Variants in BICRAL observed in about 807,000 individuals in gnomAD.
BICRAL encodes BRD4-interacting chromatin-remodeling complex-associated protein-like.
BICRAL carries 8 observed loss-of-function variants against 91.8 expected under a neutral mutation model. That is an observed-to-expected ratio of 0.09 (90% CI 0.05 to 0.16). BICRAL has a LOEUF of 0.16. Ranked by LOEUF, BICRAL falls within the 10% of genes least tolerant of loss-of-function variation. The pLI is 1.00. For synonymous variants in BICRAL, 445 were observed against 491.1 expected, an observed-to-expected ratio of 0.91 and a Z score of 1.24; for missense variants, 1,038 against 1,310.9, an observed-to-expected ratio of 0.79 and a Z score of 3.21.
intron 1 of BICRAL, among the ~76,000 whole-genome samples, chr6:42,797,389 G>A (rs1162010540): frequency 5.9e-5 from 9 of 151,928 alleles, no homozygotes; most frequent in East Asian, 3.9e-4. Context: ...TCTTTTATAC[G>A]TTAAAATCCT....
In BICRAL at chr6:42,857,206, T is replaced by C; in HGVS notation, c.2224T>C (p.Ser742Pro). Residue 742 changes from serine to proline, a missense_variant, in exon 10 of 13, where the codon TCC (serine) becomes CCC (proline). Physicochemically the swap from Ser to Pro is moderately conservative, Grantham distance 74. Transcript: ENST00000314073. ...RLLSYHVCQG[S>P]MPTEEDLRKV... ...GCTCTCCTACCACGTGTGCCAGGGC[T>C]CCATGCCCACTGAAGAAGACTTGAG... The C allele has an allele frequency of 6.2e-7, 1 of 1,613,442 alleles. No homozygotes were observed. Among genetic ancestry groups the C allele is most frequent in the East Asian group, 2.2e-5 (1 of 44,866 alleles).
chr6:42,841,959 A>G (rs1764811187), intron 6 of BICRAL, among the ~76,000 whole-genome samples: 1 of 152,318 alleles, frequency 6.6e-6, no homozygotes, highest in South Asian at 2.1e-4. Context: ...GAGAGACTAG[A>G]ATATAACAGA....
intron 1 of BICRAL, among the ~76,000 whole-genome samples, chr6:42,808,854 G>T (rs1320064983): frequency 3.3e-5 from 5 of 152,048 alleles, no homozygotes; most frequent in African/African-American, 1.2e-4. Flanking sequence ...CTTCTTTGTC[G>T]TCACATGATT....
chr6:42,848,183 C>T (rs1209135198), intron 6 of BICRAL, among the ~76,000 whole-genome samples: 2 of 151,358 alleles, frequency 1.3e-5, no homozygotes, highest in Non-Finnish European at 2.9e-5. Context: ...ACCCGGGAGG[C>T]AGAGGTTGCA....
chr6:42,853,580 A>T, intron 7 of BICRAL, 58 bp from the exon 8 acceptor site: 1 of 1,260,212 alleles, frequency 7.9e-7, no homozygotes, highest in Non-Finnish European at 1.2e-6. Flanking sequence ...CTAGGGTTAT[A>T]TGATGGACCC....
intron 3 of BICRAL, 27 bp downstream of exon 3, chr6:42,822,090 T>C: frequency 6.0e-6 from 9 of 1,510,938 alleles, no homozygotes; most frequent in Non-Finnish European, 8.3e-6. Context: ...AAAACCTGGG[T>C]AAATCAAATG....
intron 1 of BICRAL, among the ~76,000 whole-genome samples, chr6:42,769,141 C>T (rs1377383889): frequency 3.3e-5 from 5 of 152,202 alleles, no homozygotes; most frequent in Non-Finnish European, 1.5e-5. Flanking sequence ...GTTTTTGTCT[C>T]AGGGTCTCTC....
intron 6 of BICRAL, among the ~76,000 whole-genome samples, chr6:42,845,907 CAA>C (rs70990152): frequency 3.9e-4 from 54 of 139,464 alleles, no homozygotes; most frequent in African/African-American, 4.7e-4. Flanking sequence ...ACTAAAAATA[CAA>C]AAAAAAAAAA....
upstream of BICRAL, among the ~76,000 whole-genome samples, chr6:42,777,453 C>T (rs1018174726): frequency 1.5e-4 from 23 of 152,168 alleles, no homozygotes; most frequent in African/African-American, 5.1e-4. Flanking sequence ...AATATAAGTA[C>T]ATCTATATGT....
upstream of BICRAL, among the ~76,000 whole-genome samples, chr6:42,780,273 A>G (rs1400774763): frequency 6.6e-6 from 1 of 152,180 alleles, no homozygotes; most frequent in African/African-American, 2.4e-5. Context: ...TTTATGCAAC[A>G]TAGTCCAGTT....
In BICRAL at chr6:42,867,785, A is replaced by T. The variant is rs1211760191; in HGVS notation, c.*2339A>T. 2.0e-5 allele frequency: 3 copies of T among 152,230 alleles called. No homozygotes were observed. Among genetic ancestry groups the T allele is most frequent in the Admixed American group, 1.3e-4 (2 of 15,278 alleles). The allele number at this position is 152,230 out of a possible 1,614,324, so 9.4% of individuals were successfully genotyped here. On this transcript the variant is annotated 3_prime_UTR_variant, in exon 13 of 13. Transcript: ENST00000314073. Reference sequence around the variant, plus strand: ...TTAAGCCCTAACACTTGTCTAGCAAATGGAGAGCCTAATTTACCAAAATGA... The same window carrying T: ...TTAAGCCCTAACACTTGTCTAGCAATTGGAGAGCCTAATTTACCAAAATGA...
At chr6:42,840,800 G>A (rs547579901) in intron 6 of BICRAL, among the ~76,000 whole-genome samples, 14 of 151,894 alleles carry the variant, frequency 9.2e-5, no homozygotes, top group Admixed American at 3.3e-4. Context: ...CAGGCAGGGC[G>A]CAGTGGCTCA....
chr6:42,784,755 G>A (rs1342345896), intron 1 of BICRAL, among the ~76,000 whole-genome samples: 1 of 152,204 alleles, frequency 6.6e-6, no homozygotes, highest in Non-Finnish European at 1.5e-5. Flanking sequence ...TTTGGGAGAT[G>A]TTTTTAAATA....
At chr6:42,751,781 C>T (rs550315104) in intron 1 of BICRAL, among the ~76,000 whole-genome samples, 1 of 151,968 alleles carries the variant, frequency 6.6e-6, no homozygotes, top group Admixed American at 6.6e-5. Flanking sequence ...CCTCAGCCTC[C>T]CAAGAGGCTG....
rs1406281735 is a variant in BICRAL, at chr6:42,862,590, G to A, written c.2430G>A (p.Lys810=). ...AAAGAGCTTCCCTGTCCCGAGACAAGCGTTTGGCACTTGTAGACCCTGGTA... is the reference window on the plus strand; with the variant it reads ...AAAGAGCTTCCCTGTCCCGAGACAAACGTTTGGCACTTGTAGACCCTGGTA... ...QEERASLSRD[K]RLALVDPEGF... is the part of the protein sequence containing the mutation. Residue 810 remains lysine, a synonymous_variant, in exon 12 of 13, where the codon AAG becomes AAA. Coordinates refer to ENST00000314073, the MANE Select transcript of BICRAL (RefSeq NM_001393499.1). The A allele has an allele frequency of 1.9e-6, 3 of 1,606,140 alleles. No homozygotes were observed. Among genetic ancestry groups the A allele is most frequent in the African/African-American group, 2.7e-5 (2 of 74,754 alleles).
chr6:42,839,911 T>C (rs1764736477), intron 6 of BICRAL, among the ~76,000 whole-genome samples: 1 of 152,192 alleles, frequency 6.6e-6, no homozygotes, highest in South Asian at 2.1e-4. Flanking sequence ...GAATCAGCCA[T>C]TCCCGAAGGA....
At chr6:42,857,642 A>T (rs867501548) in intron 10 of BICRAL, among the ~76,000 whole-genome samples, 2 of 122,484 alleles carry the variant, frequency 1.6e-5, no homozygotes, top group African/African-American at 7.7e-5. Context: ...TATATTTTTT[A>T]GGAGGGTACC....
chr6:42,839,589 C>T (rs1764729249), intron 6 of BICRAL, among the ~76,000 whole-genome samples: 1 of 152,078 alleles, frequency 6.6e-6, no homozygotes, highest in Non-Finnish European at 1.5e-5. Flanking sequence ...CACATCCCCA[C>T]CCCCTTTGCC....
chr6:42,835,000 G>T (rs12529592), intron 6 of BICRAL, among the ~76,000 whole-genome samples: 10,366 of 152,138 alleles, frequency 0.068, 419 homozygotes, highest in Non-Finnish European at 0.088. Context: ...TTACATTTCT[G>T]TGAATCTATA....
Sources: gnomAD v4.1 joint callset for allele counts (sites outside exome capture counted in the v4.1 genomes callset) on GRCh38, gnomAD v4.1.1 for gene constraint, MANE v1.5 for transcripts, NCBI Gene and HGNC (gene_info 2026-07-23, HGNC 2026-07-21) for gene names.